CEP128: variants seen among roughly 807,000 people sequenced by gnomAD.
CEP128 encodes centrosomal protein 128kDa.
CEP128 carries 132 observed loss-of-function variants against 156.7 expected under a neutral mutation model. The observed-to-expected ratio is 0.84, with a 90% CI of 0.73 to 0.97. The LOEUF is 0.97. CEP128 is among the 50% of genes least tolerant of loss of function. CEP128 has a pLI of 0.00. For synonymous variants in CEP128, 469 were observed against 448.9 expected (o/e 1.04, Z -0.57); for missense variants, 1,252 against 1,281.9 (o/e 0.98, Z 0.36).
intron 7 of CEP128, 26 bp from the exon 8 acceptor site, chr14:80,895,816 T>C: frequency 1.1e-6 from 1 of 919,640 alleles, no homozygotes. Context: ...AAAAAAAGAT[T>C]TAAATTTGGA....
chr14:80,491,219 G>GA (rs1157624131), intron 6 of CEP128, among the ~76,000 whole-genome samples: 2 of 152,046 alleles, frequency 1.3e-5, no homozygotes, highest in Admixed American at 6.6e-5. Flanking sequence ...TTCTCCAGTG[G>GA]AAAAAAATGG....
At chr14:80,714,138 A>G (rs1897514253) in intron 19 of CEP128, among the ~76,000 whole-genome samples, 2 of 152,218 alleles carry the variant, frequency 1.3e-5, no homozygotes, top group Non-Finnish European at 2.9e-5. Flanking sequence ...GTGAGCAGTT[A>G]TCAAAATGTA....
At chr14:80,540,314 T>A (rs1889696240) in intron 21 of CEP128, among the ~76,000 whole-genome samples, 1 of 151,944 alleles carries the variant, frequency 6.6e-6, no homozygotes, top group African/African-American at 2.4e-5. Context: ...ATTTCTCTCT[T>A]TGTACTGTCT....
At chr14:80,605,900 T>C (rs57759210) in intron 19 of CEP128, among the ~76,000 whole-genome samples, 20,438 of 151,922 alleles carry the variant, frequency 0.13, 2,389 homozygotes, top group African/African-American at 0.31. Context: ...AACTACCCAA[T>C]TGGTAATAGA....
At chr14:80,953,704 C>T (rs1886520079) in intron 2 of CEP128, among the ~76,000 whole-genome samples, 1 of 152,168 alleles carries the variant, frequency 6.6e-6, no homozygotes, top group African/African-American at 2.4e-5. Flanking sequence ...AATAAACTAC[C>T]ATGGAACCAT....
chr14:80,566,051 A>T (rs1186149431), intron 20 of CEP128, among the ~76,000 whole-genome samples: 1 of 152,164 alleles, frequency 6.6e-6, no homozygotes, highest in Non-Finnish European at 1.5e-5. Flanking sequence ...CTTCTCTGGG[A>T]CTTAGGGACC....
chr14:80,584,755 C>T (rs1407672469), intron 19 of CEP128, among the ~76,000 whole-genome samples: 2 of 152,140 alleles, frequency 1.3e-5, no homozygotes, highest in African/African-American at 4.8e-5. Flanking sequence ...TGATTAGTAT[C>T]TTTCATTATA....
chr14:80,729,195 A>T (rs1898166589), intron 19 of CEP128, among the ~76,000 whole-genome samples: 1 of 141,764 alleles, frequency 7.1e-6, no homozygotes, highest in African/African-American at 2.7e-5. Context: ...CCCAAAGTCC[A>T]CTGTATCATT....
chr14:80,656,376 C>G (rs1292794626), intron 19 of CEP128, among the ~76,000 whole-genome samples: 1 of 130,184 alleles, frequency 7.7e-6, no homozygotes, highest in African/African-American at 2.8e-5. Context: ...CAAGCGACAG[C>G]CCCCCTGCTT....
At chr14:80,944,334 G>T (rs1886275935), upstream of CEP128, among the ~76,000 whole-genome samples, 1 of 152,102 alleles carries the variant, frequency 6.6e-6, no homozygotes, top group African/African-American at 2.4e-5. Flanking sequence ...GGGGTGATTA[G>T]GTCATGGGGC....
At chr14:80,704,803 C>G (rs533314337) in intron 19 of CEP128, among the ~76,000 whole-genome samples, 1 of 151,602 alleles carries the variant, frequency 6.6e-6, no homozygotes, top group East Asian at 2.0e-4. Context: ...TTCTTTCTAC[C>G]TTTCTCCCTC....
At chr14:80,885,188 T>C (rs1888737746) in intron 8 of CEP128, among the ~76,000 whole-genome samples, 1 of 152,186 alleles carries the variant, frequency 6.6e-6, no homozygotes, top group African/African-American at 2.4e-5. Context: ...AAGGGGTGGC[T>C]GTGGGCACAG....
At chr14:80,733,262 A>T (rs931151906) in intron 19 of CEP128, among the ~76,000 whole-genome samples, 12 of 151,900 alleles carry the variant, frequency 7.9e-5, no homozygotes, top group African/African-American at 2.9e-4. Context: ...GACTGGAACT[A>T]TACCATAGGT....
intron 19 of CEP128, among the ~76,000 whole-genome samples, chr14:80,654,078 C>A (rs1029278026): frequency 6.6e-6 from 1 of 152,052 alleles, no homozygotes; most frequent in African/African-American, 2.4e-5. Context: ...AATGAACATT[C>A]ATGGGCAGTA....
At chr14:80,828,572 TG>T (rs1235659543) in intron 13 of CEP128, among the ~76,000 whole-genome samples, 1 of 152,144 alleles carries the variant, frequency 6.6e-6, no homozygotes, top group Non-Finnish European at 1.5e-5. Flanking sequence ...CACTTTTACA[TG>T]GGGGAAAAAG....
Position 80,497,496 on chromosome 14 carries a change from C to CT in CEP128, c.3267dup (p.Glu1090ArgfsTer11). The CT allele has an allele frequency of 3.7e-6, 6 of 1,610,958 alleles. No individual in the cohort carries two copies. Among genetic ancestry groups the CT allele is most frequent in the South Asian group, 1.1e-5 (1 of 90,840 alleles). On this transcript the variant is annotated frameshift_variant, in exon 25 of 25. Coordinates refer to ENST00000555265, the MANE Select transcript of CEP128 (RefSeq NM_152446.5). LOFTEE classifies it high-confidence loss of function. ...TTGCTTTTTTAGCTCCCATATTCCT[C>CT]TTTTTTGGGTTGTGAACTTGTTCCA...
intron 12 of CEP128, among the ~76,000 whole-genome samples, chr14:80,831,576 T>C (rs942179236): frequency 3.3e-5 from 5 of 150,962 alleles, no homozygotes; most frequent in Non-Finnish European, 5.9e-5. Flanking sequence ...CATTTTTAAA[T>C]TTTCCTCACA....
intron 13 of CEP128, among the ~76,000 whole-genome samples, chr14:80,811,818 TTAGA>T (rs61046137): frequency 9.4e-5 from 14 of 149,632 alleles, no homozygotes; most frequent in Admixed American, 4.0e-4. Context: ...CACGCATGTA[TTAGA>T]TAGATAGATA....
intron 2 of CEP128, among the ~76,000 whole-genome samples, chr14:80,952,957 A>T (rs565319095): frequency 1.1e-4 from 16 of 152,240 alleles, no homozygotes; most frequent in African/African-American, 3.9e-4. Flanking sequence ...GAAGAATTAT[A>T]TGACTTGAAT....
Sources: gnomAD v4.1 joint callset for allele counts (sites outside exome capture counted in the v4.1 genomes callset) on GRCh38, gnomAD v4.1.1 for gene constraint, MANE v1.5 for transcripts, NCBI Gene and HGNC (gene_info 2026-07-23, HGNC 2026-07-21) for gene names.